UBE2K: variants seen among roughly 807,000 people sequenced by gnomAD.
UBE2K encodes the protein ubiquitin-conjugating enzyme E2 K.
Under a neutral mutation model 30.0 loss-of-function variants are expected in UBE2K, and 6 were observed. That is an observed-to-expected ratio of 0.20 (90% confidence interval 0.11 to 0.39). The LOEUF (loss-of-function observed/expected upper bound fraction) is 0.39. Ranked by LOEUF, UBE2K falls within the 10% of genes least tolerant of loss-of-function variation. UBE2K has a pLI of 1.00. For missense variants in UBE2K, 61 were observed against 241.6 expected (o/e 0.25, Z 4.96); for synonymous variants, 86 against 83.7 (o/e 1.03, Z -0.15).
intron 1 of UBE2K, among the ~76,000 whole-genome samples, chr4:39,703,282 G>A (rs1015782076): frequency 6.6e-6 from 1 of 152,046 alleles, no homozygotes; most frequent in African/African-American, 2.4e-5. Flanking sequence ...ATTTTAGGAG[G>A]CTGAGACTCG....
chr4:39,748,411 G>A (rs572273726), intron 3 of UBE2K, among the ~76,000 whole-genome samples: 6 of 152,116 alleles, frequency 3.9e-5, no homozygotes, highest in East Asian at 3.9e-4. Context: ...TTATTAAAGC[G>A]AGAAAAATAG....
chr4:39,776,993 A>G (rs1414717064), intron 5 of UBE2K, among the ~76,000 whole-genome samples: 1 of 152,214 alleles, frequency 6.6e-6, no homozygotes, highest in Non-Finnish European at 1.5e-5. Context: ...ATTTAAATAT[A>G]TAAATTACTT....
At chr4:39,768,916 G>A (rs1712540465) in intron 4 of UBE2K, among the ~76,000 whole-genome samples, 1 of 152,074 alleles carries the variant, frequency 6.6e-6, no homozygotes, top group Admixed American at 6.5e-5. Context: ...AGAGTGCAGT[G>A]GCATGATCTC....
chr4:39,754,849 A>C (rs1390688661), intron 3 of UBE2K, among the ~76,000 whole-genome samples: 3 of 152,204 alleles, frequency 2.0e-5, no homozygotes, highest in African/African-American at 7.2e-5. Flanking sequence ...TAATCTACTA[A>C]GTGTCAAAGA....
At position 39,755,185 on chromosome 4, in the gene UBE2K, C is replaced by G. The variant is rs545560618; in HGVS notation, c.217-472C>G. On this transcript the variant is annotated intron_variant, in intron 3 of 6. Coordinates refer to ENST00000261427, the MANE Select transcript of UBE2K (RefSeq NM_005339.5). ...AATAATAAGAATTTGAGAAAAAATT[C>G]TACAGAAAAATTAAGAGAAGCACAG... Among the ~76,000 whole-genome samples the G allele has an allele frequency of 2.0e-5, 3 of 152,260 alleles. No homozygotes were observed. The East Asian group carries it at 5.8e-4, about 29-fold the overall frequency.
intron 1 of UBE2K, among the ~76,000 whole-genome samples, chr4:39,716,996 T>TAA (rs1719103399): frequency 2.3e-5 from 1 of 44,412 alleles, no homozygotes; most frequent in African/African-American, 1.6e-4. Context: ...AGACTCCATC[T>TAA]CAAAAAAAAA....
intron 5 of UBE2K, among the ~76,000 whole-genome samples, chr4:39,777,373 G>A (rs1294385399): frequency 1.3e-5 from 2 of 152,202 alleles, no homozygotes; most frequent in Non-Finnish European, 2.9e-5. Flanking sequence ...CTGCTTTCCA[G>A]TGTTTGGAAC....
chr4:39,698,531 C>G, intron 1 of UBE2K, 141 bp downstream of exon 1: 1 of 749,326 alleles, frequency 1.3e-6, no homozygotes, highest in Non-Finnish European at 2.3e-6. Flanking sequence ...AGCAGTGTTC[C>G]CCTCCTCCTT....
chr4:39,755,579 A>G, intron 3 of UBE2K, 78 bp from the exon 4 acceptor site: 4 of 1,105,878 alleles, frequency 3.6e-6, no homozygotes, highest in Non-Finnish European at 5.4e-6. Context: ...TTTAGTTTGA[A>G]GATTTCATTT....
intron 1 of UBE2K, among the ~76,000 whole-genome samples, chr4:39,733,805 C>A (rs1411659886): frequency 6.6e-6 from 1 of 152,162 alleles, no homozygotes; most frequent in African/African-American, 2.4e-5. Context: ...AACTAGGATT[C>A]AGCACACATA....
At position 39,698,217 on chromosome 4, in the gene UBE2K, G is replaced by A; in HGVS notation, c.-111G>A. On this transcript the variant is annotated 5_prime_UTR_variant, in exon 1 of 7. Coordinates refer to ENST00000261427, the MANE Select transcript of UBE2K (RefSeq NM_005339.5). ...GGGGTGGTAGTGGCAGTGTTCGTGT[G>A]CTCAGGTCTGAATCGCCGAGGGAGG... is the stretch of plus-strand genomic sequence containing the variant. 2 of 1,045,432 alleles carry A rather than the reference G, an allele frequency of 1.9e-6. No homozygotes were observed. Among genetic ancestry groups the A allele is most frequent in the South Asian group, 2.7e-5 (2 of 74,002 alleles). 64.8% of individuals were successfully genotyped at this position (1,045,432 alleles called of 1,614,324 possible).
chr4:39,767,672 T>C (rs1371038569), intron 4 of UBE2K, among the ~76,000 whole-genome samples: 1 of 152,150 alleles, frequency 6.6e-6, no homozygotes, highest in Non-Finnish European at 1.5e-5. Context: ...TTGAGATATA[T>C]GTTAGACTAC....
chr4:39,756,169 CT>C (rs1721506881), intron 4 of UBE2K, among the ~76,000 whole-genome samples: 1 of 152,176 alleles, frequency 6.6e-6, no homozygotes, highest in South Asian at 2.1e-4. Context: ...CAAGGAGCAC[CT>C]TTGTAGGTGA....
At chr4:39,767,094 T>A (rs1320080897) in intron 4 of UBE2K, among the ~76,000 whole-genome samples, 2 of 152,116 alleles carry the variant, frequency 1.3e-5, no homozygotes, top group Non-Finnish European at 2.9e-5. Context: ...TATTCTCGTA[T>A]TTTTTGCTTT....
intron 1 of UBE2K, among the ~76,000 whole-genome samples, chr4:39,710,570 A>G (rs1166349146): frequency 6.6e-6 from 1 of 152,070 alleles, no homozygotes; most frequent in Non-Finnish European, 1.5e-5. Context: ...CACCCTGCCT[A>G]TCTGACATTT....
chr4:39,760,889 T>A (rs1011577589), intron 4 of UBE2K: 8 of 152,192 alleles, frequency 5.3e-5, no homozygotes, highest in African/African-American at 1.7e-4. Flanking sequence ...ATGCTAAAAA[T>A]ACTCTATTTT....
chr4:39,776,350 C>T (rs1713283925), intron 5 of UBE2K, among the ~76,000 whole-genome samples: 1 of 152,178 alleles, frequency 6.6e-6, no homozygotes, highest in African/African-American at 2.4e-5. Context: ...TGATAGATCT[C>T]CTTTTCTCAA....
At chr4:39,721,931 T>C (rs1719443508) in intron 1 of UBE2K, among the ~76,000 whole-genome samples, 1 of 151,816 alleles carries the variant, frequency 6.6e-6, no homozygotes, top group Admixed American at 6.6e-5. Context: ...TCGACAAAAA[T>C]AGAAAAAAAT....
intron 4 of UBE2K, among the ~76,000 whole-genome samples, chr4:39,757,029 T>G (rs1336254790): frequency 2.5e-4 from 29 of 118,136 alleles, no homozygotes; most frequent in African/African-American, 1.2e-3. Flanking sequence ...TTTTTTGTTT[T>G]TTGTTTTTTT....
Sources: allele counts gnomAD v4.1 joint callset (sites outside exome capture counted in the v4.1 genomes callset), GRCh38; gene constraint gnomAD v4.1.1; transcripts MANE v1.5; gene names NCBI Gene and HGNC (gene_info 2026-07-23, HGNC 2026-07-21).